VAV3: variants seen among roughly 807,000 people sequenced by gnomAD.
VAV3 encodes vav guanine nucleotide exchange factor 3.
Under a neutral mutation model 131.2 loss-of-function variants are expected in VAV3, and 94 were observed. The ratio of observed to expected loss-of-function variants is 0.72; its 90% CI spans 0.61 to 0.85. The LOEUF (loss-of-function observed/expected upper bound fraction) is 0.85. Among genes scored for constraint, VAV3 ranks in the 40% least tolerant of loss-of-function variants. VAV3 has a pLI of 0.00. For missense variants in VAV3, 939 were observed against 1,002.7 expected, an observed-to-expected ratio of 0.94 and a Z score of 0.86; for synonymous variants, 349 against 342.0, an observed-to-expected ratio of 1.02 and a Z score of -0.22.
intron 24 of VAV3, among the ~76,000 whole-genome samples, chr1:107,597,226 TAAAAA>T (rs11294561): frequency 7.2e-6 from 1 of 137,996 alleles, no homozygotes; most frequent in African/African-American, 2.6e-5. Context: ...AAATAAAAAA[TAAAAA>T]AAAAAAAACA....
chr1:107,935,062 C>T (rs1178869238), intron 1 of VAV3, among the ~76,000 whole-genome samples: 1 of 152,172 alleles, frequency 6.6e-6, no homozygotes, highest in Non-Finnish European at 1.5e-5. Flanking sequence ...GGGCAAGTTT[C>T]CGGTTGGCAA....
intron 15 of VAV3, among the ~76,000 whole-genome samples, chr1:107,743,447 G>C (rs1271053654): frequency 6.6e-6 from 1 of 152,022 alleles, no homozygotes; most frequent in Non-Finnish European, 1.5e-5. Context: ...AAGTAAATGG[G>C]GTTAAAGGAA....
chr1:107,950,106 C>T (rs557483992), intron 1 of VAV3, among the ~76,000 whole-genome samples: 1 of 137,598 alleles, frequency 7.3e-6, no homozygotes, highest in South Asian at 2.6e-4. Context: ...CCAAGCACAC[C>T]CCTGGATTCT....
At chr1:107,635,551 C>T (rs1365665646) in intron 20 of VAV3, among the ~76,000 whole-genome samples, 1 of 152,078 alleles carries the variant, frequency 6.6e-6, no homozygotes, top group African/African-American at 2.4e-5. Flanking sequence ...AGCACACAAA[C>T]ATGGCACATG....
At chr1:107,744,627 T>G (rs1206724390) in intron 15 of VAV3, among the ~76,000 whole-genome samples, 1 of 152,224 alleles carries the variant, frequency 6.6e-6, no homozygotes, top group Non-Finnish European at 1.5e-5. Flanking sequence ...TTAAAAGTAA[T>G]GGCAAAGCCC....
intron 2 of VAV3, among the ~76,000 whole-genome samples, chr1:107,782,925 C>A (rs1170828574): frequency 6.6e-6 from 1 of 152,152 alleles, no homozygotes; most frequent in Non-Finnish European, 1.5e-5. Flanking sequence ...CTTGTTACCA[C>A]AAAATAATAG....
intron 10 of VAV3, among the ~76,000 whole-genome samples, chr1:107,758,856 A>G (rs1450940379): frequency 6.6e-6 from 1 of 152,128 alleles, no homozygotes; most frequent in Non-Finnish European, 1.5e-5. Flanking sequence ...ATTAATTGCA[A>G]TTCTTAAATT....
intron 15 of VAV3, among the ~76,000 whole-genome samples, chr1:107,717,763 G>A (rs1305915742): frequency 1.3e-5 from 2 of 152,134 alleles, no homozygotes; most frequent in African/African-American, 2.4e-5. Flanking sequence ...TCGGCTTAGT[G>A]CATTGCTGAG....
At chr1:107,702,858 C>T (rs923406324) in intron 17 of VAV3, among the ~76,000 whole-genome samples, 1 of 151,666 alleles carries the variant, frequency 6.6e-6, no homozygotes, top group Non-Finnish European at 1.5e-5. Context: ...TAAGTTCTCA[C>T]TTTGCTCAGG....
At chr1:107,740,639 C>A (rs1662965353) in intron 15 of VAV3, among the ~76,000 whole-genome samples, 1 of 152,058 alleles carries the variant, frequency 6.6e-6, no homozygotes, top group Admixed American at 6.6e-5. Flanking sequence ...CTACAAAAGG[C>A]CACAGCGTGG....
intron 1 of VAV3, among the ~76,000 whole-genome samples, chr1:107,918,135 T>C (rs941768199): frequency 1.3e-5 from 2 of 152,192 alleles, no homozygotes; most frequent in Non-Finnish European, 2.9e-5. Context: ...TATTCATGTA[T>C]GTCCAGGTCC....
intron 10 of VAV3, among the ~76,000 whole-genome samples, chr1:107,759,009 G>T (rs963049157): frequency 2.6e-5 from 4 of 152,104 alleles, no homozygotes; most frequent in Non-Finnish European, 5.9e-5. Flanking sequence ...TATGACAGAG[G>T]CCTCTACTCA....
chr1:107,599,855 C>CTTTTTTTTTTTTTTTTTTTTTTTTTTTTT (rs1553172633), intron 24 of VAV3, among the ~76,000 whole-genome samples: 4 of 140,862 alleles, frequency 2.8e-5, no homozygotes, highest in Admixed American at 7.2e-5. Flanking sequence ...CTGAACTATT[C>CTTTTTTTTTTTTTTTTTTTTTTTTTTTTT]TTAAGAAACA....
At chr1:107,663,536 A>G (rs1359026407) in intron 19 of VAV3, among the ~76,000 whole-genome samples, 5 of 152,212 alleles carry the variant, frequency 3.3e-5, no homozygotes, top group Non-Finnish European at 5.9e-5. Flanking sequence ...TTCACCAAAC[A>G]TATTATAGCT....
intron 25 of VAV3, among the ~76,000 whole-genome samples, chr1:107,580,296 C>T (rs1352467922): frequency 6.6e-6 from 1 of 152,284 alleles, no homozygotes; most frequent in African/African-American, 2.4e-5. Context: ...ACTTAAACTG[C>T]TCCATAAGAC....
chr1:107,942,396 C>G (rs1436461023), intron 1 of VAV3, among the ~76,000 whole-genome samples: 1 of 152,186 alleles, frequency 6.6e-6, no homozygotes, highest in Non-Finnish European at 1.5e-5. Context: ...CTTGGCCTTA[C>G]AAATCATACT....
chr1:107,751,723 G>T (rs1046055628), intron 12 of VAV3, among the ~76,000 whole-genome samples: 2 of 152,144 alleles, frequency 1.3e-5, no homozygotes, highest in African/African-American at 4.8e-5. Flanking sequence ...TGGCTTTCTT[G>T]AGCTAGGACC....
At chr1:107,788,047 T>C (rs1666110830) in intron 2 of VAV3, among the ~76,000 whole-genome samples, 1 of 152,116 alleles carries the variant, frequency 6.6e-6, no homozygotes, top group Non-Finnish European at 1.5e-5. Context: ...TTCATCCTTT[T>C]CAGACTCTCT....
At chr1:107,598,732 C>T (rs1036700289) in intron 24 of VAV3, among the ~76,000 whole-genome samples, 5 of 151,870 alleles carry the variant, frequency 3.3e-5, no homozygotes, top group Admixed American at 2.6e-4. Flanking sequence ...GAATTAAATT[C>T]TACTTAGTGA....
Sources: allele counts gnomAD v4.1 joint callset (sites outside exome capture counted in the v4.1 genomes callset), GRCh38; gene constraint gnomAD v4.1.1; transcripts MANE v1.5; gene names NCBI Gene and HGNC (gene_info 2026-07-23, HGNC 2026-07-21).